The following MRTFA variants were observed in gnomAD, a reference collection of about 807,000 sequenced individuals.
The protein encoded by MRTFA is myocardin related transcription factor A.
A neutral mutation model predicts 83.5 loss-of-function variants in MRTFA; 20 were observed. The ratio of observed to expected loss-of-function variants is 0.24; its 90% CI spans 0.17 to 0.35. MRTFA has a LOEUF of 0.35. MRTFA is among the 10% of genes least tolerant of loss of function. MRTFA has a pLI of 1.00. For synonymous variants in MRTFA, 659 were observed against 541.2 expected, an observed-to-expected ratio of 1.22 and a Z score of -3.02; for missense variants, 1,200 against 1,224.7, an observed-to-expected ratio of 0.98 and a Z score of 0.30.
At chr22:40,462,508 C>G (rs576119220) in intron 4 of MRTFA, among the ~76,000 whole-genome samples, 2 of 152,246 alleles carry the variant, frequency 1.3e-5, no homozygotes, top group South Asian at 4.2e-4. Flanking sequence ...AAAAGAGAGC[C>G]TATGTTCTCT....
intron 3 of MRTFA, among the ~76,000 whole-genome samples, chr22:40,541,447 C>G (rs1443727529): frequency 1.3e-5 from 2 of 152,142 alleles, no homozygotes; most frequent in East Asian, 3.9e-4. Context: ...TTAAGACTTT[C>G]CCCTAGACAC....
intron 2 of MRTFA, among the ~76,000 whole-genome samples, chr22:40,576,028 C>CTTT (rs918851256): frequency 1.1e-4 from 14 of 131,408 alleles, no homozygotes; most frequent in Non-Finnish European, 1.1e-4. Flanking sequence ...ATGTAAATTT[C>CTTT]TTTTTTTTTT....
chr22:40,636,378 C>G (rs1266171189), intron 1 of MRTFA, 100 bp downstream of exon 1: 2 of 152,322 alleles, frequency 1.3e-5, no homozygotes, highest in Non-Finnish European at 2.9e-5. Context: ...TCGCCCGACC[C>G]CCCGAGGACG....
At chr22:40,539,432 T>C (rs1357832032) in intron 3 of MRTFA, among the ~76,000 whole-genome samples, 1 of 145,932 alleles carries the variant, frequency 6.9e-6, no homozygotes, top group African/African-American at 2.6e-5. Context: ...CTCCACCTCC[T>C]GGGTTCAAGC....
intron 2 of MRTFA, among the ~76,000 whole-genome samples, chr22:40,564,619 C>G (rs1361984303): frequency 6.6e-6 from 1 of 152,010 alleles, no homozygotes; most frequent in Non-Finnish European, 1.5e-5. Context: ...TTAGAAGAAG[C>G]TCAATAATGC....
intron 3 of MRTFA, among the ~76,000 whole-genome samples, chr22:40,508,497 G>C (rs1343488339): frequency 9.4e-6 from 1 of 106,222 alleles, no homozygotes; most frequent in African/African-American, 3.7e-5. Flanking sequence ...GGGCAACAGA[G>C]ACAGACTCCG....
At chr22:40,564,935 G>A (rs970348074) in intron 2 of MRTFA, among the ~76,000 whole-genome samples, 1 of 152,116 alleles carries the variant, frequency 6.6e-6, no homozygotes, top group African/African-American at 2.4e-5. Flanking sequence ...ACAGGCATGA[G>A]CCACCCTGCC....
intron 7 of MRTFA, among the ~76,000 whole-genome samples, chr22:40,424,675 G>C (rs1295713093): frequency 6.6e-6 from 1 of 152,208 alleles, no homozygotes; most frequent in Non-Finnish European, 1.5e-5. Context: ...ACTGTGTTTA[G>C]TCTTCAATGT....
At chr22:40,452,599 G>C (rs1230736860) in intron 4 of MRTFA, among the ~76,000 whole-genome samples, 1 of 151,832 alleles carries the variant, frequency 6.6e-6, no homozygotes, top group Non-Finnish European at 1.5e-5. Flanking sequence ...CGAGGTGGAC[G>C]GATCACCTGA....
chr22:40,545,958 C>T (rs2147302728), intron 3 of MRTFA, among the ~76,000 whole-genome samples: 1 of 152,202 alleles, frequency 6.6e-6, no homozygotes, highest in East Asian at 1.9e-4. Flanking sequence ...AGCTCCTGAC[C>T]TCAAGTGTTC....
Position 40,410,740 on chromosome 22 carries a change from G to C in MRTFA, c.*650C>G. On this transcript the variant is annotated 3_prime_UTR_variant, in exon 15 of 15. Coordinates refer to ENST00000355630, the MANE Select transcript of MRTFA (RefSeq NM_020831.6). ...ACCTTGCATCCAGGCCCTTCTGTGA[G>C]AGTAGGATGGGAGGGAGTTGCACCC... 1 of 233,094 alleles carries C rather than the reference G, an allele frequency of 4.3e-6. No individual in the cohort carries two copies. The highest frequency in any genetic ancestry group is 2.2e-5 in the African/African-American group (1 of 45,396). The allele number at this position is 233,094 out of a possible 1,614,324, so 14.4% of individuals were successfully genotyped here. A position where few individuals can be genotyped will look rare whatever the true frequency, so the allele number is the denominator to read the frequency against.
intron 1 of MRTFA, among the ~76,000 whole-genome samples, chr22:40,601,674 T>C (rs2147396293): frequency 6.6e-6 from 1 of 152,328 alleles, no homozygotes; most frequent in South Asian, 2.1e-4. Context: ...TGATTAATTC[T>C]GAATGACTGG....
At position 40,621,332 on chromosome 22, in the gene MRTFA, G is replaced by A. The variant is rs1333861784; in HGVS notation, c.-84+15146C>T. ...ACATGCTACAACATGGATGACTCTT[G>A]AGGACATTATACTAAGTGACATAAG... On this transcript the variant is annotated intron_variant, in intron 1 of 14. Transcript: ENST00000355630. Among the ~76,000 whole-genome samples the A allele has an allele frequency of 2.0e-5, 3 of 152,278 alleles. No individual in the cohort carries two copies. The East Asian group carries it at 5.8e-4, about 29-fold the overall frequency.
intron 2 of MRTFA, among the ~76,000 whole-genome samples, chr22:40,576,176 G>A (rs1161986334): frequency 1.3e-5 from 2 of 151,640 alleles, no homozygotes; most frequent in Non-Finnish European, 2.9e-5. Flanking sequence ...TTACAGGTGC[G>A]CGCCACCACG....
In MRTFA at chr22:40,411,892, A is replaced by C; in HGVS notation, c.2594T>G (p.Phe865Cys). Residue 865 changes from phenylalanine (F) to cysteine (C), a missense_variant, in exon 15 of 15, where the codon TTC becomes TGC. This residue lies in a region of MRTFA where 1,107 missense variants were observed against 1,041.8 expected (regional missense o/e 1.06). Transcript: ENST00000355630. Reference sequence around the variant, plus strand: ...CCCTGGCAGGGATGGCGGCTCCTTGAAATCTGCTGAAATTTCTGCCAATCA... The same window carrying C: ...CCCTGGCAGGGATGGCGGCTCCTTGCAATCTGCTGAAATTTCTGCCAATCA... The C allele has an allele frequency of 6.8e-7, 1 of 1,479,718 alleles. No individual in the cohort carries two copies. The highest frequency in any genetic ancestry group is 9.0e-7 in the Non-Finnish European group (1 of 1,113,546). The allele number at this position is 1,479,718 out of a possible 1,614,324, so 91.7% of individuals were successfully genotyped here.
At position 40,568,917 on chromosome 22, in the gene MRTFA, T is replaced by C. The variant is rs530490058; in HGVS notation, c.-21-16550A>G. Among the ~76,000 whole-genome samples the C allele has an allele frequency of 3.6e-4, 55 of 152,246 alleles. No homozygotes were observed. In the South Asian group the frequency reaches 0.011, roughly 30 times the overall value. On this transcript the variant is annotated intron_variant, in intron 2 of 14. Coordinates refer to ENST00000355630, the MANE Select transcript of MRTFA (RefSeq NM_020831.6). ...TGAAAATCTTCAAATACCTTATGGG[T>C]AGCCTATTTAAAATAGAAAGGTTCT...
chr22:40,597,604 A>C (rs538257431), intron 1 of MRTFA, among the ~76,000 whole-genome samples: 22 of 152,354 alleles, frequency 1.4e-4, no homozygotes, highest in African/African-American at 5.3e-4. Context: ...TATTTTTAGA[A>C]GCTTTCCATA....
intron 3 of MRTFA, among the ~76,000 whole-genome samples, chr22:40,546,563 G>C (rs1190829157): frequency 6.6e-6 from 1 of 152,220 alleles, no homozygotes; most frequent in Non-Finnish European, 1.5e-5. Context: ...GGCAATGGCA[G>C]TTTCTGAAGA....
chr22:40,484,514 T>C (rs2054143044), intron 3 of MRTFA, among the ~76,000 whole-genome samples: 1 of 152,208 alleles, frequency 6.6e-6, no homozygotes, highest in Admixed American at 6.5e-5. Flanking sequence ...AAGGTAGGTG[T>C]AACTGTAGAA....
Sources: gnomAD v4.1 joint callset for allele counts (sites outside exome capture counted in the v4.1 genomes callset) on GRCh38, gnomAD v4.1.1 for gene constraint, gnomAD v4.1.1 regional missense constraint, MANE v1.5 for transcripts, NCBI Gene and HGNC (gene_info 2026-07-23, HGNC 2026-07-21) for gene names.